The following GABRG3 variants were observed in gnomAD, a reference collection of about 807,000 sequenced individuals.
GABRG3 encodes gamma-aminobutyric acid receptor subunit gamma-3.
GABRG3 carries 25 observed loss-of-function variants against 48.8 expected under a neutral mutation model. The ratio of observed to expected loss-of-function variants is 0.51; its 90% confidence interval spans 0.37 to 0.72. GABRG3 has a LOEUF of 0.72. GABRG3 is among the 30% of genes least tolerant of loss of function. The pLI is 0.00. For synonymous variants in GABRG3, 227 were observed against 217.6 expected, an observed-to-expected ratio of 1.04 and a Z score of -0.38; for missense variants, 394 against 577.9, an observed-to-expected ratio of 0.68 and a Z score of 3.26.
At chr15:27,492,938 T>C (rs1259844491) in intron 6 of GABRG3, among the ~76,000 whole-genome samples, 1 of 78,344 alleles carries the variant, frequency 1.3e-5, no homozygotes, top group Non-Finnish European at 2.6e-5. Context: ...TAGGTAAAAA[T>C]AGTTGTATAA....
intron 3 of GABRG3, among the ~76,000 whole-genome samples, chr15:27,136,812 A>C (rs1238118989): frequency 6.6e-6 from 1 of 152,106 alleles, no homozygotes; most frequent in Admixed American, 6.5e-5. Flanking sequence ...CAGCACCTGA[A>C]TGCTCCCAGG....
rs1381283729 is a variant in GABRG3, at chr15:27,536,939, T to TG, written c.*4059dup. 1 of 152,136 alleles carries TG rather than the reference T, an allele frequency of 6.6e-6. No individual in the cohort carries two copies. The highest frequency in any genetic ancestry group is 1.9e-4 in the East Asian group (1 of 5,190). The allele number at this position is 152,136 out of a possible 1,614,324, so 9.4% of individuals were successfully genotyped here. On this transcript the variant is annotated 3_prime_UTR_variant, in exon 10 of 10. Coordinates refer to ENST00000615808, the MANE Select transcript of GABRG3 (RefSeq NM_033223.5). ...CAGCTGCCAAAATGGAAATTTTCTGTGATTTCCTTTGAGACTTGAAGAATT... is the reference window on the plus strand; with the variant it reads ...CAGCTGCCAAAATGGAAATTTTCTGTGGATTTCCTTTGAGACTTGAAGAATT...
chr15:27,469,314 C>T (rs2150839529), intron 5 of GABRG3, among the ~76,000 whole-genome samples: 1 of 152,274 alleles, frequency 6.6e-6, no homozygotes, highest in Middle Eastern at 3.4e-3. Context: ...CCTGCTAATA[C>T]TTCTCTCAAG....
chr15:27,030,401 A>G (rs1320355120), intron 3 of GABRG3, among the ~76,000 whole-genome samples: 1 of 152,132 alleles, frequency 6.6e-6, no homozygotes, highest in African/African-American at 2.4e-5. Context: ...TTGTGTCTCA[A>G]TCTATTGTTT....
At chr15:27,264,989 A>G (rs1175472103) in intron 3 of GABRG3, among the ~76,000 whole-genome samples, 2 of 152,264 alleles carry the variant, frequency 1.3e-5, no homozygotes, top group Non-Finnish European at 1.5e-5. Flanking sequence ...AATTTCTACA[A>G]TTAACCCTAG....
chr15:27,073,549 C>T (rs1896860627), intron 3 of GABRG3, among the ~76,000 whole-genome samples: 1 of 152,254 alleles, frequency 6.6e-6, no homozygotes. Context: ...ATAATTCTGC[C>T]TGCTATCATA....
At chr15:27,131,883 A>C (rs1462113502) in intron 3 of GABRG3, among the ~76,000 whole-genome samples, 6 of 151,966 alleles carry the variant, frequency 3.9e-5, no homozygotes, top group African/African-American at 1.4e-4. Flanking sequence ...TGATGATTAG[A>C]GATGTTGAGC....
chr15:27,288,827 T>G (rs1891706237), intron 3 of GABRG3, among the ~76,000 whole-genome samples: 1 of 152,216 alleles, frequency 6.6e-6, no homozygotes, highest in Non-Finnish European at 1.5e-5. Flanking sequence ...TGATTTTCCT[T>G]GAGCCTGAAG....
At chr15:27,443,921 A>G (rs1888865549) in intron 5 of GABRG3, among the ~76,000 whole-genome samples, 1 of 152,110 alleles carries the variant, frequency 6.6e-6, no homozygotes, top group African/African-American at 2.4e-5. Context: ...TTTCTCTTTT[A>G]CTCTGTTAAT....
intron 3 of GABRG3, among the ~76,000 whole-genome samples, chr15:27,078,135 G>A (rs1896938968): frequency 6.6e-6 from 1 of 152,208 alleles, no homozygotes. Context: ...GGATGTGTTT[G>A]TGAGGGTGTT....
chr15:27,254,638 G>A (rs1461589041), intron 3 of GABRG3, among the ~76,000 whole-genome samples: 1 of 152,072 alleles, frequency 6.6e-6, no homozygotes, highest in Non-Finnish European at 1.5e-5. Flanking sequence ...TCACATGGTG[G>A]AAAGGACAAG....
At chr15:27,152,152 A>G (rs1378851811) in intron 3 of GABRG3, among the ~76,000 whole-genome samples, 1 of 152,098 alleles carries the variant, frequency 6.6e-6, no homozygotes, top group Non-Finnish European at 1.5e-5. Context: ...TACATTTTGA[A>G]TTACTTTTTG....
At chr15:27,229,503 G>T (rs1889732678) in intron 3 of GABRG3, among the ~76,000 whole-genome samples, 1 of 151,538 alleles carries the variant, frequency 6.6e-6, no homozygotes, top group Admixed American at 6.6e-5. Flanking sequence ...TGAGAAGGGG[G>T]TCTCACTCTG....
chr15:27,281,507 C>A (rs552803914), intron 3 of GABRG3, among the ~76,000 whole-genome samples: 1 of 149,162 alleles, frequency 6.7e-6, no homozygotes, highest in East Asian at 2.0e-4. Flanking sequence ...CTTTGATTTA[C>A]CTATAGTTTT....
At position 26,971,506 on chromosome 15, in the gene GABRG3, C is replaced by T; in HGVS notation, c.-30C>T. The T allele has an allele frequency of 6.7e-7, 1 of 1,498,388 alleles. No individual in the cohort carries two copies. The highest frequency in any genetic ancestry group is 8.9e-7 in the Non-Finnish European group (1 of 1,122,170). 92.8% of individuals were successfully genotyped at this position (1,498,388 alleles called of 1,614,324 possible). A position where few individuals can be genotyped will look rare whatever the true frequency, so the allele number is the denominator to read the frequency against. On this transcript the variant is annotated 5_prime_UTR_variant, in exon 1 of 10. Transcript: ENST00000615808. ...AGGAAGCCGCGCCCGGCCGAGGCCC[C>T]GGACCCTGCGCCCCGAGCTCCACGG... is the stretch of plus-strand genomic sequence containing the variant.
chr15:27,355,310 G>A (rs988415225), intron 5 of GABRG3, among the ~76,000 whole-genome samples: 3 of 152,204 alleles, frequency 2.0e-5, no homozygotes, highest in South Asian at 2.1e-4. Flanking sequence ...AATTAAAAAT[G>A]GGCAAAGGGT....
chr15:27,390,409 C>T (rs1027427397), intron 5 of GABRG3, among the ~76,000 whole-genome samples: 1 of 152,208 alleles, frequency 6.6e-6, no homozygotes, highest in African/African-American at 2.4e-5. Context: ...AGACTTCAAA[C>T]TGCTGACATA....
At chr15:27,466,661 T>A (rs182433371) in intron 5 of GABRG3, among the ~76,000 whole-genome samples, 158 of 152,196 alleles carry the variant, frequency 1.0e-3, no homozygotes, top group Admixed American at 1.5e-3. Flanking sequence ...CTGTGCACAG[T>A]GTAATTTTTC....
chr15:27,497,638 T>A (rs1185855416), intron 6 of GABRG3, among the ~76,000 whole-genome samples: 1 of 152,246 alleles, frequency 6.6e-6, no homozygotes, highest in Non-Finnish European at 1.5e-5. Flanking sequence ...ATGTATTATT[T>A]TAATTGGCAG....
Sources: allele counts gnomAD v4.1 joint callset (sites outside exome capture counted in the v4.1 genomes callset), GRCh38; gene constraint gnomAD v4.1.1; transcripts MANE v1.5; gene names NCBI Gene and HGNC (gene_info 2026-07-23, HGNC 2026-07-21).